ASIC2: variants seen among roughly 807,000 people sequenced by gnomAD.
ASIC2 encodes acid sensing ion channel subunit 2.
A neutral mutation model predicts 57.3 loss-of-function variants in ASIC2; 25 were observed. The ratio of observed to expected loss-of-function variants is 0.44; its 90% CI spans 0.32 to 0.61. ASIC2 has a LOEUF of 0.61. Among genes scored for constraint, ASIC2 ranks in the 20% least tolerant of loss-of-function variants. ASIC2 has a pLI of 0.06. For missense variants in ASIC2, 641 were observed against 738.1 expected, an observed-to-expected ratio of 0.87 and a Z score of 1.52; for synonymous variants, 319 against 307.5, an observed-to-expected ratio of 1.04 and a Z score of -0.39.
chr17:33,638,856 G>C lies in ASIC2; in HGVS notation c.555+517122C>G, dbSNP rs368757608. Among the ~76,000 whole-genome samples the C allele has an allele frequency of 2.5e-3, 387 of 152,118 alleles. 2 individuals carry two copies. Among genetic ancestry groups the C allele is most frequent in the African/African-American group, 8.9e-3 (369 of 41,494 alleles). On this transcript the variant is annotated intron_variant, in intron 1 of 9. Transcript: ENST00000359872. ...GGCTGCCCTCAACCAAGGATGGATG[G>C]TGAGTTAGTGGGCACTTCCCGGCTT...
chr17:33,144,318 G>A (rs1379670193), intron 1 of ASIC2, among the ~76,000 whole-genome samples: 1 of 152,118 alleles, frequency 6.6e-6, no homozygotes, highest in Non-Finnish European at 1.5e-5. Flanking sequence ...TGGTGAGAGA[G>A]GGAAAGAACA....
At chr17:33,978,207 A>T (rs1905466356) in intron 1 of ASIC2, among the ~76,000 whole-genome samples, 1 of 152,074 alleles carries the variant, frequency 6.6e-6, no homozygotes, top group African/African-American at 2.4e-5. Flanking sequence ...CCCTATTATC[A>T]CACTCAGGCC....
At chr17:33,390,936 A>C (rs1909866982) in intron 1 of ASIC2, among the ~76,000 whole-genome samples, 1 of 152,372 alleles carries the variant, frequency 6.6e-6, no homozygotes, top group South Asian at 2.1e-4. Flanking sequence ...GCTTGAATAC[A>C]GGAGGAAGAG....
intron 1 of ASIC2, among the ~76,000 whole-genome samples, chr17:33,908,470 C>T (rs896735179): frequency 6.6e-6 from 1 of 152,128 alleles, no homozygotes; most frequent in African/African-American, 2.4e-5. Context: ...GAAGGAGAGA[C>T]AGATGGTGAG....
At chr17:34,119,511 G>A (rs964879722) in intron 1 of ASIC2, among the ~76,000 whole-genome samples, 6 of 151,988 alleles carry the variant, frequency 3.9e-5, no homozygotes, top group African/African-American at 1.2e-4. Context: ...TGCCTCCAAA[G>A]CCAGCCTCCA....
intron 1 of ASIC2, among the ~76,000 whole-genome samples, chr17:33,945,813 G>A (rs1377512507): frequency 6.6e-6 from 1 of 152,176 alleles, no homozygotes; most frequent in Middle Eastern, 3.2e-3. Flanking sequence ...CCAGCTTCTG[G>A]TCAGAGCAGC....
intron 1 of ASIC2, among the ~76,000 whole-genome samples, chr17:33,654,210 C>T (rs1907009091): frequency 6.6e-6 from 1 of 152,214 alleles, no homozygotes; most frequent in African/African-American, 2.4e-5. Context: ...TTCCTTCCCC[C>T]AATCCCTGAA....
intron 1 of ASIC2, among the ~76,000 whole-genome samples, chr17:33,531,520 C>G (rs1399301891): frequency 6.6e-6 from 1 of 152,172 alleles, no homozygotes; most frequent in Non-Finnish European, 1.5e-5. Context: ...GCCCAGGTCT[C>G]TTAGAATTAG....
intron 1 of ASIC2, among the ~76,000 whole-genome samples, chr17:33,514,570 CCTGTTTGGACTT>C (rs1410514745): frequency 6.6e-6 from 1 of 152,206 alleles, no homozygotes; most frequent in Non-Finnish European, 1.5e-5. Flanking sequence ...TTCAGAGCCA[CCTGTTTGGACTT>C]CTGTCCTGCC....
At chr17:33,368,624 A>C (rs767701355) in intron 1 of ASIC2, among the ~76,000 whole-genome samples, 2 of 152,144 alleles carry the variant, frequency 1.3e-5, no homozygotes, top group Admixed American at 1.3e-4. Flanking sequence ...GCGTGACTTA[A>C]CCTCCACCAC....
chr17:33,456,385 C>T (rs1231668545), intron 1 of ASIC2, among the ~76,000 whole-genome samples: 2 of 152,108 alleles, frequency 1.3e-5, no homozygotes, highest in Non-Finnish European at 2.9e-5. Flanking sequence ...CAGGATGCTG[C>T]TATTTCCCAT....
chr17:33,829,770 G>C (rs1264126739), intron 1 of ASIC2, among the ~76,000 whole-genome samples: 3 of 151,892 alleles, frequency 2.0e-5, no homozygotes, highest in Admixed American at 6.6e-5. Flanking sequence ...TCACTATGTT[G>C]GTCAGACTTG....
intron 1 of ASIC2, among the ~76,000 whole-genome samples, chr17:33,475,531 G>T (rs1012933455): frequency 3.9e-5 from 6 of 152,068 alleles, no homozygotes; most frequent in Non-Finnish European, 8.8e-5. Context: ...TGTTGTTTTG[G>T]CTTTGTTGGT....
At chr17:33,846,485 G>A (rs71379418) in intron 1 of ASIC2, among the ~76,000 whole-genome samples, 2 of 152,164 alleles carry the variant, frequency 1.3e-5, no homozygotes, top group African/African-American at 2.4e-5. Context: ...CTGATCTGCA[G>A]AGTGGGATGG....
chr17:33,291,429 G>T lies in ASIC2; in HGVS notation c.687C>A (p.Cys229Ter). The T allele has an allele frequency of 1.9e-6, 3 of 1,603,818 alleles. No homozygotes were observed. The highest frequency in any genetic ancestry group is 1.7e-6 in the Non-Finnish European group (2 of 1,174,916). ...LLSCKYRGELCGPHNFSSVFT... is the reference protein window; with the variant it reads ...LLSCKYRGEL ...TCACGGAGGAGAAGTTGTGCGGCCC[G>T]CAGAGCTCGCCGCGGTACTTGCAGG... The change falls in exon 1 of 10, where the codon TGC becomes TGA. Residue 229 changes from cysteine (C) to a stop codon, truncating the protein, a stop_gained. Coordinates refer to ENST00000225823, the MANE Select transcript of ASIC2 (RefSeq NM_183377.2). LOFTEE classifies it high-confidence loss of function.
At chr17:33,334,902 T>A (rs370708403) in intron 1 of ASIC2, among the ~76,000 whole-genome samples, 13 of 152,214 alleles carry the variant, frequency 8.5e-5, no homozygotes, top group African/African-American at 3.1e-4. Flanking sequence ...GTCAGTGTGA[T>A]TCACAGAGTA....
chr17:33,292,107 C>T lies in ASIC2; in HGVS notation c.9G>A (p.Arg3=). Residue 3 remains arginine (R), a synonymous_variant, in exon 1 of 10, where the codon CGG becomes CGA. Transcript: ENST00000225823. Reference sequence around the variant, plus strand: ...CTGCGGGCAGCCCGGCTCCGCCAATCCGGCTCATTCATTCAGCCCGCGGCT... The same window carrying T: ...CTGCGGGCAGCCCGGCTCCGCCAATTCGGCTCATTCATTCAGCCCGCGGCT... MS[R]IGGAGLPAAA... is the part of the protein sequence containing the mutation. 9.6e-7 allele frequency: 1 copy of T among 1,044,386 alleles called. No homozygotes were observed. The highest frequency in any genetic ancestry group is 1.1e-6 in the Non-Finnish European group (1 of 870,600). 64.7% of individuals were successfully genotyped at this position (1,044,386 alleles called of 1,614,324 possible). A position where few individuals can be genotyped will look rare whatever the true frequency, so the allele number is the denominator to read the frequency against.
chr17:33,426,344 G>T (rs1597724332), intron 1 of ASIC2, among the ~76,000 whole-genome samples: 1 of 152,326 alleles, frequency 6.6e-6, no homozygotes, highest in East Asian at 1.9e-4. Flanking sequence ...CTCATAATGA[G>T]AAGGTCTGCA....
chr17:33,541,006 G>A (rs544724431), intron 1 of ASIC2, among the ~76,000 whole-genome samples: 3 of 151,864 alleles, frequency 2.0e-5, no homozygotes, highest in Admixed American at 1.3e-4. Context: ...CATTACATTC[G>A]CCCAGACTCC....
Sources: gnomAD v4.1 joint callset for allele counts (sites outside exome capture counted in the v4.1 genomes callset) on GRCh38, gnomAD v4.1.1 for gene constraint, MANE v1.5 for transcripts, NCBI Gene and HGNC (gene_info 2026-07-23, HGNC 2026-07-21) for gene names.